Variants in NWD1 observed in about 807,000 individuals in gnomAD.
NWD1 encodes the protein NACHT and WD repeat domain containing 1, also known as NACHT domain- and WD repeat-containing protein 1.
Under a neutral mutation model 135.1 loss-of-function variants are expected in NWD1, and 129 were observed. The ratio of observed to expected loss-of-function variants is 0.96; its 90% confidence interval spans 0.83 to 1.11. NWD1 has a LOEUF of 1.11. Among genes scored for constraint, NWD1 ranks in the 50% least tolerant of loss-of-function variants. NWD1 has a pLI of 0.00. For synonymous variants in NWD1, 773 were observed against 786.0 expected, an observed-to-expected ratio of 0.98 and a Z score of 0.28; for missense variants, 1,740 against 1,851.3, an observed-to-expected ratio of 0.94 and a Z score of 1.10.
intron 6 of NWD1, among the ~76,000 whole-genome samples, chr19:16,758,715 C>T (rs768637166): frequency 9.2e-5 from 14 of 151,996 alleles, no homozygotes; most frequent in South Asian, 2.1e-4. Flanking sequence ...GGTTGAGGAG[C>T]GGGCCATTTA....
chr19:16,745,234 G>A (rs1968261783), intron 5 of NWD1: 10 of 352,516 alleles, frequency 2.8e-5, no homozygotes, highest in South Asian at 2.1e-4. Context: ...CACGAGAACA[G>A]TATGGGGGAA....
chr19:16,762,882 T>C (rs1969076457), intron 8 of NWD1, among the ~76,000 whole-genome samples: 1 of 151,832 alleles, frequency 6.6e-6, no homozygotes, highest in Non-Finnish European at 1.5e-5. Context: ...CCTCCCAGGT[T>C]CAAGCGATTC....
rs1484895297 is a variant in NWD1, at chr19:16,750,394, C to CCGG, written c.1752_1753insCGG (p.Gly584_Tyr585insArg). On this transcript the variant is annotated inframe_insertion, in exon 6 of 19. Coordinates refer to ENST00000524140, the MANE Select transcript of NWD1 (RefSeq NM_001007525.5). ...AGCTCCTCGTGGCCCACGTGCTGGG[C>CCGG]TACATTGTGTCTTCCCGGTAAGTCT... 6.4e-7 allele frequency: 1 copy of CCGG among 1,573,850 alleles called. No homozygotes were observed. Among genetic ancestry groups the CCGG allele is most frequent in the Admixed American group, 2.0e-5 (1 of 51,196 alleles).
At chr19:16,784,154 G>A (rs1465676024) in intron 12 of NWD1, among the ~76,000 whole-genome samples, 3 of 151,512 alleles carry the variant, frequency 2.0e-5, no homozygotes, top group Non-Finnish European at 2.9e-5. Flanking sequence ...GCTGTGAGCC[G>A]AGATCATGCC....
intron 17 of NWD1, among the ~76,000 whole-genome samples, chr19:16,803,783 G>T (rs1474430817): frequency 6.6e-6 from 1 of 151,754 alleles, no homozygotes; most frequent in African/African-American, 2.4e-5. Context: ...AAATTATCTG[G>T]GCGTGGTGGT....
chr19:16,807,356 G>A (rs1970779622), intron 17 of NWD1, among the ~76,000 whole-genome samples: 1 of 151,936 alleles, frequency 6.6e-6, no homozygotes, highest in African/African-American at 2.4e-5. Flanking sequence ...AGCTGGGCGT[G>A]GTGGCACACA....
intron 6 of NWD1, among the ~76,000 whole-genome samples, chr19:16,754,278 T>TTCCA (rs1350349520): frequency 4.1e-5 from 6 of 147,408 alleles, no homozygotes; most frequent in Non-Finnish European, 9.0e-5. Context: ...CATCTCTATA[T>TTCCA]TCCATCCATC....
At chr19:16,801,236 G>A (rs892263926) in intron 17 of NWD1, among the ~76,000 whole-genome samples, 3 of 151,950 alleles carry the variant, frequency 2.0e-5, no homozygotes, top group South Asian at 2.1e-4. Flanking sequence ...CCGAGATCAC[G>A]CCATTGCACT....
At chr19:16,779,282 C>T in intron 11 of NWD1, 61 bp from the exon 12 acceptor site, 1 of 1,604,936 alleles carries the variant, frequency 6.2e-7, no homozygotes, top group Non-Finnish European at 8.5e-7. Flanking sequence ...TAGAGGACCC[C>T]ATAGCTGAAT....
At chr19:16,739,883 C>T (rs1484353666) in intron 4 of NWD1, among the ~76,000 whole-genome samples, 2 of 152,132 alleles carry the variant, frequency 1.3e-5, no homozygotes, top group Admixed American at 1.3e-4. Context: ...CAGATTGGAG[C>T]AGTTTGTTTT....
In NWD1 at chr19:16,817,587, G is replaced by C. The variant is rs965638839; in HGVS notation, c.*2548G>C. The C allele has an allele frequency of 3.0e-5, 4 of 134,746 alleles. No individual in the cohort carries two copies. Among genetic ancestry groups the C allele is most frequent in the African/African-American group, 1.1e-4 (4 of 35,142 alleles). The allele number at this position is 134,746 out of a possible 1,614,324, so 8.3% of individuals were successfully genotyped here. On this transcript the variant is annotated 3_prime_UTR_variant, in exon 19 of 19. Coordinates refer to ENST00000524140, the MANE Select transcript of NWD1 (RefSeq NM_001007525.5). Reference sequence around the variant, plus strand: ...ACTGCACTCCAGCATGAGTGACAGAGACTCTGTCTCCAAAAAAAAAAAAAA... The same window carrying C: ...ACTGCACTCCAGCATGAGTGACAGACACTCTGTCTCCAAAAAAAAAAAAAA...
chr19:16,773,379 G>C, intron 11 of NWD1, 56 bp downstream of exon 11: 1 of 1,479,922 alleles, frequency 6.8e-7, no homozygotes, highest in Non-Finnish European at 9.3e-7. Flanking sequence ...CCTGGGGGCA[G>C]TGAAGGCCAG....
chr19:16,798,939 T>TA (rs35736408), intron 16 of NWD1, among the ~76,000 whole-genome samples: 30,854 of 142,156 alleles, frequency 0.22, 6,133 homozygotes, highest in African/African-American at 0.54. Context: ...ATAAAATAAT[T>TA]AAAAAAAAAA....
chr19:16,768,458 A>G (rs1969305423), intron 10 of NWD1, among the ~76,000 whole-genome samples: 1 of 152,200 alleles, frequency 6.6e-6, no homozygotes, highest in South Asian at 2.1e-4. Context: ...ACTAGATCAC[A>G]TGGAAATTTT....
In NWD1 at chr19:16,757,507, G is replaced by A. The variant is rs187508762; in HGVS notation, c.1770-1718G>A. ...CAACAGTTTTGCTTTTGGCAGATGAGGAAACTGAGGCAAAGAGAAGGTACA... is the reference window on the plus strand; with the variant it reads ...CAACAGTTTTGCTTTTGGCAGATGAAGAAACTGAGGCAAAGAGAAGGTACA... On this transcript the variant is annotated intron_variant, in intron 6 of 18. Transcript: ENST00000524140. Among the ~76,000 whole-genome samples the A allele has an allele frequency of 6.4e-4, 97 of 152,324 alleles. 2 individuals are homozygous for A. Among genetic ancestry groups the A allele is most frequent in the African/African-American group, 2.1e-3 (88 of 41,568 alleles).
intron 12 of NWD1, among the ~76,000 whole-genome samples, chr19:16,788,266 AATAATAATAATAATAAT>A (rs1970121776): frequency 7.7e-6 from 1 of 130,232 alleles, no homozygotes; most frequent in Non-Finnish European, 1.5e-5. Flanking sequence ...TAATAATAAT[AATAATAATAATAATAAT>A]AAAAGGCCAG....
rs774804919 is a variant in NWD1, at chr19:16,765,018, C to T, written c.2252-16C>T. The T allele has an allele frequency of 6.2e-7, 1 of 1,613,730 alleles. No homozygotes were observed. The highest frequency in any genetic ancestry group is 2.2e-5 in the East Asian group (1 of 44,880). ...AGGTAGGCACTTCCCACATCCTCCCCCCTTCTCTCCCTCAGGCAGCATGAG... is the reference window on the plus strand; with the variant it reads ...AGGTAGGCACTTCCCACATCCTCCCTCCTTCTCTCCCTCAGGCAGCATGAG... On this transcript the variant is annotated splice_polypyrimidine_tract_variant and intron_variant, in intron 9 of 18. Transcript: ENST00000524140.
intron 13 of NWD1, among the ~76,000 whole-genome samples, chr19:16,789,869 C>T (rs925270197): frequency 2.0e-5 from 3 of 152,128 alleles, no homozygotes; most frequent in South Asian, 2.1e-4. Context: ...AGGCGCACGC[C>T]ACCACGCCCA....
chr19:16,784,624 T>A (rs1165540210), intron 12 of NWD1, among the ~76,000 whole-genome samples: 3 of 151,542 alleles, frequency 2.0e-5, no homozygotes, highest in Non-Finnish European at 4.4e-5. Context: ...GCTCCAGAGA[T>A]TATGTCAAAT....
Sources: allele counts gnomAD v4.1 joint callset (sites outside exome capture counted in the v4.1 genomes callset), GRCh38; gene constraint gnomAD v4.1.1; transcripts MANE v1.5; gene names NCBI Gene and HGNC (gene_info 2026-07-23, HGNC 2026-07-21).